Variants in SCLT1 observed in about 807,000 individuals in gnomAD.
The protein encoded by SCLT1 is sodium channel-associated protein 1.
SCLT1 carries 78 observed loss-of-function variants against 112.8 expected under a neutral mutation model. The ratio of observed to expected loss-of-function variants is 0.69; its 90% CI spans 0.58 to 0.83. The LOEUF (loss-of-function observed/expected upper bound fraction) is 0.83, where lower values mean the gene tolerates loss of function less well. SCLT1 is among the 40% of genes least tolerant of loss of function. The probability of loss-of-function intolerance (pLI) is 0.00; values close to 1 mark genes in which losing one functional copy is unlikely to be tolerated. For synonymous variants in SCLT1, 257 were observed against 254.7 expected (o/e 1.01, Z -0.09); for missense variants, 747 against 770.4 (o/e 0.97, Z 0.36).
At chr4:129,050,045 C>A (rs958169384) in intron 2 of SCLT1, among the ~76,000 whole-genome samples, 3 of 152,092 alleles carry the variant, frequency 2.0e-5, no homozygotes, top group African/African-American at 7.2e-5. Flanking sequence ...CAACTTCATC[C>A]ATGTCCCTGC....
intron 9 of SCLT1, among the ~76,000 whole-genome samples, chr4:128,990,493 A>G (rs1742466799): frequency 6.6e-6 from 1 of 151,992 alleles, no homozygotes; most frequent in African/African-American, 2.4e-5. Context: ...ATCATACTGA[A>G]TGGGGAAAAA....
intron 18 of SCLT1, among the ~76,000 whole-genome samples, chr4:128,905,282 T>C (rs1475229469): frequency 6.6e-6 from 1 of 152,122 alleles, no homozygotes; most frequent in East Asian, 1.9e-4. Context: ...TATCAGTAAG[T>C]TCTATTCTAC....
At chr4:129,036,278 C>T (rs931284961) in intron 5 of SCLT1, among the ~76,000 whole-genome samples, 42 of 151,842 alleles carry the variant, frequency 2.8e-4, no homozygotes, top group African/African-American at 6.5e-4. Context: ...ACTGAATTAC[C>T]GTTAAATAGG....
intron 20 of SCLT1, among the ~76,000 whole-genome samples, chr4:128,888,232 A>G (rs1280197654): frequency 5.4e-5 from 8 of 148,654 alleles, no homozygotes; most frequent in Non-Finnish European, 3.0e-5. Context: ...TTTTGTTGAT[A>G]CAGAGTGAGG....
chr4:128,892,044 A>G (rs1277038997), intron 18 of SCLT1, among the ~76,000 whole-genome samples: 1 of 152,198 alleles, frequency 6.6e-6, no homozygotes, highest in African/African-American at 2.4e-5. Flanking sequence ...ACTTCAGTGC[A>G]GTATAGTTAG....
In SCLT1 at chr4:128,960,042, G is replaced by A. The variant is rs560364962; in HGVS notation, c.870-265C>T. ...GAGCAGTGGGGCTGAGACTAAGCCT[G>A]GATTTTCTGATCCTAATTATGTTAT... On this transcript the variant is annotated intron_variant, in intron 11 of 20. Transcript: ENST00000281142. 5.9e-5 allele frequency among the ~76,000 whole-genome samples: 9 copies of A among 152,190 alleles called. 1 individual carries two copies. In the South Asian group the frequency reaches 1.9e-3, roughly 32 times the overall value.
intron 2 of SCLT1, among the ~76,000 whole-genome samples, chr4:129,070,645 C>T (rs758469498): frequency 6.6e-6 from 1 of 151,910 alleles, no homozygotes; most frequent in Non-Finnish European, 1.5e-5. Flanking sequence ...GGATTTTCTC[C>T]CTTCTTTTCT....
chr4:129,026,746 A>C (rs548344280), intron 5 of SCLT1, among the ~76,000 whole-genome samples: 1 of 152,340 alleles, frequency 6.6e-6, no homozygotes, highest in Admixed American at 6.5e-5. Context: ...CCTTCAAAAA[A>C]TTAATGAATC....
At chr4:128,932,517 G>A (rs886650325) in intron 18 of SCLT1, among the ~76,000 whole-genome samples, 1 of 151,864 alleles carries the variant, frequency 6.6e-6, no homozygotes, top group African/African-American at 2.4e-5. Flanking sequence ...CATACTTAAT[G>A]GTGAAAAATT....
chr4:128,901,922 T>G (rs1478460367), intron 18 of SCLT1, among the ~76,000 whole-genome samples: 3 of 152,110 alleles, frequency 2.0e-5, no homozygotes, highest in Non-Finnish European at 4.4e-5. Flanking sequence ...AACTTTTTTT[T>G]GTTTTTGTTT....
chr4:128,961,356 A>C (rs1472696227), intron 11 of SCLT1, among the ~76,000 whole-genome samples: 4 of 152,078 alleles, frequency 2.6e-5, no homozygotes, highest in Admixed American at 6.6e-5. Flanking sequence ...TATCACCCCC[A>C]AAATATGCAA....
chr4:128,962,861 C>G (rs1020984701), intron 11 of SCLT1, among the ~76,000 whole-genome samples: 1 of 152,072 alleles, frequency 6.6e-6, no homozygotes, highest in Non-Finnish European at 1.5e-5. Context: ...TGAAGAAAAA[C>G]AATTGTATCT....
chr4:129,032,324 A>G (rs1200642002), intron 5 of SCLT1, among the ~76,000 whole-genome samples: 1 of 152,128 alleles, frequency 6.6e-6, no homozygotes, highest in Admixed American at 6.5e-5. Flanking sequence ...CTTACACCTT[A>G]TACAAAAATT....
intron 10 of SCLT1, among the ~76,000 whole-genome samples, chr4:128,966,025 T>C (rs1298028276): frequency 6.6e-6 from 1 of 151,404 alleles, no homozygotes; most frequent in Admixed American, 6.6e-5. Flanking sequence ...AGAGACAGGG[T>C]TTCACCACAT....
intron 2 of SCLT1, among the ~76,000 whole-genome samples, chr4:129,065,880 G>A (rs72926033): frequency 1.3e-5 from 2 of 151,960 alleles, no homozygotes; most frequent in South Asian, 2.1e-4. Context: ...TATTCTGGGA[G>A]GGAAACACAA....
At chr4:129,060,654 G>T (rs1486947456) in intron 2 of SCLT1, among the ~76,000 whole-genome samples, 2 of 152,134 alleles carry the variant, frequency 1.3e-5, no homozygotes, top group Non-Finnish European at 2.9e-5. Context: ...TTGTGGCAGT[G>T]GTGGTATGGA....
chr4:129,092,006 C>T (rs1369898011), intron 1 of SCLT1, among the ~76,000 whole-genome samples: 1 of 152,236 alleles, frequency 6.6e-6, no homozygotes, highest in African/African-American at 2.4e-5. Context: ...ATCCCCTGAT[C>T]TCCAGTCTCC....
chr4:129,060,089 C>A (rs1749817096), intron 2 of SCLT1, among the ~76,000 whole-genome samples: 1 of 152,058 alleles, frequency 6.6e-6, no homozygotes, highest in Non-Finnish European at 1.5e-5. Context: ...TTCTGAGATT[C>A]TTTGTTCTGC....
At chr4:129,029,276 C>G (rs1579768710) in intron 5 of SCLT1, among the ~76,000 whole-genome samples, 1 of 151,724 alleles carries the variant, frequency 6.6e-6, no homozygotes, top group Non-Finnish European at 1.5e-5. Flanking sequence ...TGGAACCAAC[C>G]CAAATGTCCA....
Sources: allele counts gnomAD v4.1 joint callset (sites outside exome capture counted in the v4.1 genomes callset), GRCh38; gene constraint gnomAD v4.1.1; transcripts MANE v1.5; gene names NCBI Gene and HGNC (gene_info 2026-07-23, HGNC 2026-07-21).